The following PHACTR3 variants were observed in gnomAD, a reference collection of about 807,000 sequenced individuals.
PHACTR3 encodes phosphatase and actin regulator 3.
Under a neutral mutation model 66.8 loss-of-function variants are expected in PHACTR3, and 16 were observed. The observed-to-expected ratio is 0.24, with a 90% CI of 0.16 to 0.36. The LOEUF (loss-of-function observed/expected upper bound fraction) is 0.36, where lower values mean the gene tolerates loss of function less well. Ranked by LOEUF, PHACTR3 falls within the 10% of genes least tolerant of loss-of-function variation. PHACTR3 has a pLI of 1.00. For missense variants in PHACTR3, 647 were observed against 719.9 expected (o/e 0.90, Z 1.16); for synonymous variants, 323 against 292.1 (o/e 1.11, Z -1.08).
intron 8 of PHACTR3, among the ~76,000 whole-genome samples, chr20:59,808,937 AC>A: frequency 6.6e-6 from 1 of 152,200 alleles, no homozygotes. Context: ...TACTAGTAGT[AC>A]ACCCTCCGCT....
chr20:59,730,451 A>C (rs554983029), intron 1 of PHACTR3, among the ~76,000 whole-genome samples: 2 of 152,224 alleles, frequency 1.3e-5, no homozygotes, highest in South Asian at 2.1e-4. Context: ...ATTTCATCCT[A>C]AGAGCCACTG....
chr20:59,620,126 G>A (rs936454942), intron 1 of PHACTR3, among the ~76,000 whole-genome samples: 1 of 152,106 alleles, frequency 6.6e-6, no homozygotes, highest in Admixed American at 6.5e-5. Context: ...CTCTCAAGCT[G>A]GCCCCATAGC....
intron 11 of PHACTR3, chr20:59,844,656 A>AT (rs1243698779): frequency 6.6e-6 from 1 of 152,186 alleles, no homozygotes; most frequent in Non-Finnish European, 1.5e-5. Context: ...AGACAGTAGA[A>AT]TGATAGATAC....
At chr20:59,833,775 A>T (rs2145483499) in intron 8 of PHACTR3, among the ~76,000 whole-genome samples, 1 of 152,322 alleles carries the variant, frequency 6.6e-6, no homozygotes, top group East Asian at 1.9e-4. Flanking sequence ...AGGCAGTTAT[A>T]GGTAAAGAAA....
chr20:59,687,082 G>A (rs1276918138), intron 1 of PHACTR3, among the ~76,000 whole-genome samples: 2 of 151,158 alleles, frequency 1.3e-5, no homozygotes, highest in African/African-American at 4.9e-5. Flanking sequence ...GATGATCATG[G>A]TGATTGTGAT....
intron 1 of PHACTR3, among the ~76,000 whole-genome samples, chr20:59,681,593 C>A (rs2036651253): frequency 6.6e-6 from 1 of 152,236 alleles, no homozygotes; most frequent in Admixed American, 6.5e-5. Flanking sequence ...AAACAGATAT[C>A]TCAACAGACT....
chr20:59,757,190 G>A (rs141785119), intron 4 of PHACTR3, among the ~76,000 whole-genome samples: 1 of 152,342 alleles, frequency 6.6e-6, no homozygotes, highest in African/African-American at 2.4e-5. Context: ...CCCAAGGGAG[G>A]CAGGGCTGCT....
In PHACTR3 at chr20:59,747,849, G is replaced by A. The variant is rs370043306; in HGVS notation, c.358+14G>A. 91 of 1,612,606 alleles carry A rather than the reference G, an allele frequency of 5.6e-5. 1 individual carries two copies. The highest frequency in any genetic ancestry group is 1.6e-4 in the African/African-American group (12 of 74,924). On this transcript the variant is annotated intron_variant, in intron 3 of 12. Transcript: ENST00000371015. ...TGATGGAGCAGGGTAAGTGGGACCCGTCCCTGGCTTGGAAGGGCACGGTGC... is the reference window on the plus strand; with the variant it reads ...TGATGGAGCAGGGTAAGTGGGACCCATCCCTGGCTTGGAAGGGCACGGTGC...
chr20:59,812,567 C>T (rs767388120), intron 8 of PHACTR3, among the ~76,000 whole-genome samples: 1 of 152,162 alleles, frequency 6.6e-6, no homozygotes, highest in African/African-American at 2.4e-5. Flanking sequence ...AGACAGTGTC[C>T]CCGCAGAGGC....
chr20:59,764,930 G>C (rs1601300672), intron 4 of PHACTR3, among the ~76,000 whole-genome samples: 1 of 152,200 alleles, frequency 6.6e-6, no homozygotes, highest in East Asian at 1.9e-4. Context: ...TGGTGGTCTT[G>C]GCCAGGAACT....
At chr20:59,709,256 C>CT (rs1431089196) in intron 1 of PHACTR3, among the ~76,000 whole-genome samples, 2 of 152,108 alleles carry the variant, frequency 1.3e-5, no homozygotes, top group Non-Finnish European at 2.9e-5. Context: ...TGAGATGTAC[C>CT]TTTTCCATAG....
intron 9 of PHACTR3, among the ~76,000 whole-genome samples, chr20:59,838,889 G>A (rs1214780707): frequency 2.0e-5 from 3 of 152,158 alleles, no homozygotes; most frequent in Admixed American, 2.0e-4. Flanking sequence ...GGGGAGGTCT[G>A]TGGGCTTAGG....
chr20:59,615,303 T>C (rs1600920623), intron 1 of PHACTR3, among the ~76,000 whole-genome samples: 1 of 152,016 alleles, frequency 6.6e-6, no homozygotes, highest in African/African-American at 2.4e-5. Context: ...AATGCTGTTA[T>C]AAATTTTCAT....
chr20:59,716,022 G>C (rs1254940761), intron 1 of PHACTR3, among the ~76,000 whole-genome samples: 1 of 152,132 alleles, frequency 6.6e-6, no homozygotes, highest in East Asian at 1.9e-4. Flanking sequence ...CAGTTTGAGA[G>C]TGTGTGTCCA....
intron 1 of PHACTR3, among the ~76,000 whole-genome samples, chr20:59,668,781 A>G (rs2036086362): frequency 6.6e-6 from 1 of 152,026 alleles, no homozygotes; most frequent in Non-Finnish European, 1.5e-5. Context: ...GGCTCACTGC[A>G]ACTCCGCCTC....
At chr20:59,777,379 G>C (rs1189228130) in intron 7 of PHACTR3, among the ~76,000 whole-genome samples, 1 of 152,102 alleles carries the variant, frequency 6.6e-6, no homozygotes, top group Non-Finnish European at 1.5e-5. Context: ...CACTCCTCTT[G>C]GTTAACTCGT....
chr20:59,682,580 G>A (rs1251112270), intron 1 of PHACTR3, among the ~76,000 whole-genome samples: 2 of 152,202 alleles, frequency 1.3e-5, no homozygotes, highest in African/African-American at 4.8e-5. Context: ...GAAGTAGGGG[G>A]AGGTAAGAGA....
chr20:59,674,019 C>G (rs535843486), intron 1 of PHACTR3, among the ~76,000 whole-genome samples: 18 of 152,060 alleles, frequency 1.2e-4, no homozygotes, highest in Non-Finnish European at 2.4e-4. Flanking sequence ...CCTGCCTGCC[C>G]GAGGAGTCGA....
chr20:59,822,426 G>A (rs1188748208), intron 8 of PHACTR3, among the ~76,000 whole-genome samples: 3 of 150,792 alleles, frequency 2.0e-5, no homozygotes, highest in South Asian at 2.1e-4. Flanking sequence ...ACCAGCAGGC[G>A]TGGGGGAGGG....
Sources: allele counts gnomAD v4.1 joint callset (sites outside exome capture counted in the v4.1 genomes callset), GRCh38; gene constraint gnomAD v4.1.1; transcripts MANE v1.5; gene names NCBI Gene and HGNC (gene_info 2026-07-23, HGNC 2026-07-21).